KCNMA1: variants seen among roughly 807,000 people sequenced by gnomAD.
KCNMA1 encodes the protein potassium calcium-activated channel subfamily M alpha 1.
Under a neutral mutation model 140.0 loss-of-function variants are expected in KCNMA1, and 29 were observed. That is an observed-to-expected ratio of 0.21 (90% CI 0.15 to 0.28). The LOEUF (loss-of-function observed/expected upper bound fraction) is 0.28. Ranked by LOEUF, KCNMA1 falls within the 10% of genes least tolerant of loss-of-function variation. KCNMA1 has a pLI of 1.00. For synonymous variants in KCNMA1, 612 were observed against 611.9 expected, an observed-to-expected ratio of 1.00 and a Z score of 0.00; for missense variants, 880 against 1,602.2, an observed-to-expected ratio of 0.55 and a Z score of 7.70.
intron 25 of KCNMA1, chr10:76,904,748 A>G (rs1258212634): frequency 6.6e-6 from 1 of 152,266 alleles, no homozygotes; most frequent in Non-Finnish European, 1.5e-5. Context: ...GGCTCAAGGA[A>G]AATGGACATC....
downstream of KCNMA1, chr10:76,877,245 G>A (rs562589840): frequency 1.3e-5 from 2 of 153,864 alleles, no homozygotes; most frequent in South Asian, 2.1e-4. Context: ...CTTCTTTTCT[G>A]GATTTACTAA....
At chr10:77,421,587 G>A (rs566214811) in intron 1 of KCNMA1, among the ~76,000 whole-genome samples, 67 of 152,278 alleles carry the variant, frequency 4.4e-4, no homozygotes, top group African/African-American at 1.6e-3. Flanking sequence ...GTATTCCAGC[G>A]GAATTTTATT....
chr10:77,535,697 A>G (rs971287528), intron 1 of KCNMA1, among the ~76,000 whole-genome samples: 1 of 152,238 alleles, frequency 6.6e-6, no homozygotes, highest in African/African-American at 2.4e-5. Flanking sequence ...ACACAATGAA[A>G]TGTTATTCAG....
intron 1 of KCNMA1, among the ~76,000 whole-genome samples, chr10:77,423,330 A>G (rs1322405498): frequency 2.0e-5 from 3 of 152,212 alleles, no homozygotes; most frequent in African/African-American, 7.2e-5. Flanking sequence ...TGACAAAGAA[A>G]TGGTTTCTTC....
At chr10:77,484,401 C>G (rs1400421891) in intron 1 of KCNMA1, among the ~76,000 whole-genome samples, 2 of 152,358 alleles carry the variant, frequency 1.3e-5, no homozygotes, top group Admixed American at 1.3e-4. Flanking sequence ...CCATCATAAT[C>G]CAATTAATGG....
chr10:77,127,379 A>C (rs184109196), intron 5 of KCNMA1, among the ~76,000 whole-genome samples: 81 of 152,242 alleles, frequency 5.3e-4, no homozygotes, highest in Middle Eastern at 3.4e-3. Context: ...ACAAAGCCCA[A>C]GCTTCTAGCC....
At chr10:77,149,990 A>T (rs1444289223) in intron 5 of KCNMA1, 1 of 152,162 alleles carries the variant, frequency 6.6e-6, no homozygotes, top group Non-Finnish European at 1.5e-5. Context: ...CTCATACACA[A>T]CAGGAACAAT....
intron 5 of KCNMA1, among the ~76,000 whole-genome samples, chr10:77,153,522 C>T (rs1481023358): frequency 1.3e-5 from 2 of 152,062 alleles, no homozygotes; most frequent in African/African-American, 4.8e-5. Context: ...CAGGCATGCA[C>T]CTCTACATCC....
chr10:76,873,257 T>C (rs573376499), downstream of KCNMA1: 1 of 152,358 alleles, frequency 6.6e-6, no homozygotes, highest in South Asian at 2.1e-4. Context: ...AACTGATACT[T>C]TATTGGAAAC....
intron 3 of KCNMA1, among the ~76,000 whole-genome samples, chr10:77,200,297 T>C (rs1048597164): frequency 2.6e-5 from 4 of 152,168 alleles, no homozygotes; most frequent in African/African-American, 4.8e-5. Flanking sequence ...TCTTGTCTTG[T>C]AGCAAGTTAA....
At chr10:77,155,377 A>G (rs1313015029) in intron 5 of KCNMA1, among the ~76,000 whole-genome samples, 1 of 152,064 alleles carries the variant, frequency 6.6e-6, no homozygotes, top group Non-Finnish European at 1.5e-5. Flanking sequence ...TTCCCACAAC[A>G]CCTTACATGC....
At chr10:77,621,854 G>A (rs933590199) in intron 1 of KCNMA1, among the ~76,000 whole-genome samples, 2 of 152,126 alleles carry the variant, frequency 1.3e-5, no homozygotes, top group African/African-American at 2.4e-5. Context: ...TGAGGTGGGA[G>A]ATTGCTTGAG....
At chr10:77,274,191 T>C (rs1264097059) in intron 2 of KCNMA1, among the ~76,000 whole-genome samples, 1 of 152,170 alleles carries the variant, frequency 6.6e-6, no homozygotes, top group African/African-American at 2.4e-5. Context: ...ATCCTGATTA[T>C]AGCCTCCAGA....
intron 1 of KCNMA1, among the ~76,000 whole-genome samples, chr10:77,512,116 A>G (rs2048627760): frequency 6.6e-6 from 1 of 152,258 alleles, no homozygotes; most frequent in Non-Finnish European, 1.5e-5. Context: ...ATCCTGGGCC[A>G]TATGCCCTGG....
intron 1 of KCNMA1, among the ~76,000 whole-genome samples, chr10:77,610,287 C>T (rs2086364499): frequency 6.6e-6 from 1 of 152,204 alleles, no homozygotes. Flanking sequence ...TATCTGCACC[C>T]CCCACCACAC....
At chr10:77,361,655 G>C (rs1307785411) in intron 2 of KCNMA1, among the ~76,000 whole-genome samples, 1 of 152,260 alleles carries the variant, frequency 6.6e-6, no homozygotes, top group African/African-American at 2.4e-5. Context: ...GCAGGCGAGT[G>C]CAGGAGCAAG....
chr10:77,440,484 C>T (rs1022307417), intron 1 of KCNMA1, among the ~76,000 whole-genome samples: 1 of 152,168 alleles, frequency 6.6e-6, no homozygotes, highest in African/African-American at 2.4e-5. Context: ...AGCCCAAGAC[C>T]CCCTCTCTGA....
intron 1 of KCNMA1, among the ~76,000 whole-genome samples, chr10:77,611,616 A>G (rs942402103): frequency 1.5e-4 from 22 of 150,238 alleles, no homozygotes; most frequent in Non-Finnish European, 3.0e-4. Flanking sequence ...CGAGTTCTCC[A>G]TTAAGTGTGA....
intron 2 of KCNMA1, among the ~76,000 whole-genome samples, chr10:77,401,538 T>C (rs942986315): frequency 7.9e-5 from 12 of 152,138 alleles, no homozygotes; most frequent in Non-Finnish European, 1.8e-4. Context: ...GCACCCCCCA[T>C]TTCCCAGAGC....
Sources: gnomAD v4.1 joint callset for allele counts (sites outside exome capture counted in the v4.1 genomes callset) on GRCh38, gnomAD v4.1.1 for gene constraint, MANE v1.5 for transcripts, NCBI Gene and HGNC (gene_info 2026-07-23, HGNC 2026-07-21) for gene names.